Variants in SFMBT2 observed in about 807,000 individuals in gnomAD.
SFMBT2 encodes scm-like with four MBT domains protein 2.
Under a neutral mutation model 110.1 loss-of-function variants are expected in SFMBT2, and 38 were observed. That is an observed-to-expected ratio of 0.35 (90% confidence interval 0.27 to 0.45). The LOEUF is 0.45. SFMBT2 is among the 20% of genes least tolerant of loss of function. The probability of loss-of-function intolerance (pLI) is 1.00; values close to 1 mark genes in which losing one functional copy is unlikely to be tolerated. For missense variants in SFMBT2, 1,011 were observed against 1,094.9 expected (o/e 0.92, Z 1.08); for synonymous variants, 425 against 425.4 (o/e 1.00, Z 0.01).
chr10:7,188,615 AAC>A lies in SFMBT2; in HGVS notation c.1808+7_1808+8del. 6.2e-7 allele frequency: 1 copy of A among 1,608,396 alleles called. No individual in the cohort carries two copies. Among genetic ancestry groups the A allele is most frequent in the Non-Finnish European group, 8.5e-7 (1 of 1,176,278 alleles). On this transcript the variant is annotated splice_region_variant and intron_variant, in intron 16 of 20. Coordinates refer to ENST00000397167, the MANE Select transcript of SFMBT2 (RefSeq NM_001387889.1). ...AAAACCCTTGCTTTCCAGAATTGAA[AAC>A]ACTTACTTGGCCTTCAGCGTCTCTT...
intron 4 of SFMBT2, among the ~76,000 whole-genome samples, chr10:7,317,148 C>A (rs1843038906): frequency 6.6e-6 from 1 of 152,106 alleles, no homozygotes; most frequent in South Asian, 2.1e-4. Flanking sequence ...CCCCCAGGGT[C>A]ATGTCCTGAG....
chr10:7,303,481 C>T (rs1359780), intron 4 of SFMBT2, among the ~76,000 whole-genome samples: 102,021 of 151,810 alleles, frequency 0.67, 34,359 homozygotes, highest in East Asian at 0.75. Flanking sequence ...TGGGGTAATC[C>T]GAGACTAAAA....
rs528141180 is a variant in SFMBT2, at chr10:7,364,618, C to A, written c.436+3031G>T. 8.7e-4 allele frequency among the ~76,000 whole-genome samples: 133 copies of A among 152,348 alleles called. 1 individual carries two copies. The Middle Eastern group carries it at 0.014, about 16-fold the overall frequency. On this transcript the variant is annotated intron_variant, in intron 4 of 20. Coordinates refer to ENST00000397167, the MANE Select transcript of SFMBT2 (RefSeq NM_001387889.1). ...CTAGAGAAGCTATTACAAAATGAAA[C>A]CATCTTACATCCTTTCCAAGGGCCT...
Position 7,311,848 on chromosome 10 carries a change from C to T in SFMBT2, c.437-25894G>A, listed in dbSNP as rs140111907. On this transcript the variant is annotated intron_variant, in intron 4 of 20. Transcript: ENST00000397167. Reference sequence around the variant, plus strand: ...GTTAGTGGGCAGTTGAAGAAAGGCCCGGGCAACAATTCCTGAAAAGGTCAT... The same window carrying T: ...GTTAGTGGGCAGTTGAAGAAAGGCCTGGGCAACAATTCCTGAAAAGGTCAT... Among the ~76,000 whole-genome samples the T allele has an allele frequency of 1.6e-4, 25 of 152,226 alleles. No individual in the cohort carries two copies. The East Asian group carries it at 3.1e-3, about 19-fold the overall frequency.
At chr10:7,322,515 T>C (rs929175566) in intron 4 of SFMBT2, among the ~76,000 whole-genome samples, 1 of 152,138 alleles carries the variant, frequency 6.6e-6, no homozygotes, top group African/African-American at 2.4e-5. Context: ...CAGGCATCGA[T>C]TCCAGATGGA....
intron 11 of SFMBT2, among the ~76,000 whole-genome samples, chr10:7,217,062 T>C (rs536172145): frequency 2.0e-5 from 3 of 152,312 alleles, no homozygotes; most frequent in South Asian, 2.1e-4. Context: ...TGATAATAAA[T>C]CTTGTAAAAG....
intron 4 of SFMBT2, among the ~76,000 whole-genome samples, chr10:7,315,026 GA>G (rs1564435306): frequency 1.5e-5 from 2 of 133,976 alleles, no homozygotes; most frequent in Non-Finnish European, 3.2e-5. Flanking sequence ...AAAAGAGAGA[GA>G]AAGAAAGAAA....
At chr10:7,369,410 T>C (rs1180677493) in intron 3 of SFMBT2, among the ~76,000 whole-genome samples, 1 of 152,246 alleles carries the variant, frequency 6.6e-6, no homozygotes, top group African/African-American at 2.4e-5. Flanking sequence ...AGTTAGACTT[T>C]TCCCTGCTAA....
chr10:7,185,122 A>C (rs188977596), intron 16 of SFMBT2, among the ~76,000 whole-genome samples: 34 of 152,298 alleles, frequency 2.2e-4, no homozygotes, highest in Middle Eastern at 3.4e-3. Context: ...CAAGGAGACT[A>C]CTGCTCCTCC....
At chr10:7,350,133 C>A (rs1844264077) in intron 4 of SFMBT2, among the ~76,000 whole-genome samples, 1 of 152,128 alleles carries the variant, frequency 6.6e-6, no homozygotes, top group Non-Finnish European at 1.5e-5. Flanking sequence ...GCAAAGTCAA[C>A]CTTGATCCTT....
intron 11 of SFMBT2, among the ~76,000 whole-genome samples, chr10:7,211,455 G>A (rs1464526182): frequency 5.3e-5 from 8 of 152,062 alleles, no homozygotes; most frequent in Non-Finnish European, 7.4e-5. Flanking sequence ...GCGATTCCCC[G>A]GCCTCTGGTC....
At chr10:7,400,148 A>C (rs1474072277) in intron 1 of SFMBT2, among the ~76,000 whole-genome samples, 1 of 152,184 alleles carries the variant, frequency 6.6e-6, no homozygotes, top group African/African-American at 2.4e-5. Flanking sequence ...GCCAGTTGAC[A>C]CGTGGCCCTG....
In SFMBT2 at chr10:7,400,850, C is replaced by G. The variant is rs573195539; in HGVS notation, c.-52+10011G>C. ...CAAACATCTCAAAAAGCATCCCCCC[C>G]GGCCAGGCGCGGTGGTTCGCGCCTG... On this transcript the variant is annotated intron_variant, in intron 1 of 20. Coordinates refer to ENST00000397167, the MANE Select transcript of SFMBT2 (RefSeq NM_001387889.1). Among the ~76,000 whole-genome samples, 352 of 152,206 alleles carry G rather than the reference C, an allele frequency of 2.3e-3. 1 individual carries two copies. Among genetic ancestry groups the G allele is most frequent in the Non-Finnish European group, 3.8e-3 (256 of 67,984 alleles).
chr10:7,337,345 G>A (rs1050749814), intron 4 of SFMBT2, among the ~76,000 whole-genome samples: 3 of 152,302 alleles, frequency 2.0e-5, no homozygotes. Context: ...CCTTGATATG[G>A]TTTGGATCTG....
chr10:7,337,228 T>C (rs1379036023), intron 4 of SFMBT2, among the ~76,000 whole-genome samples: 2 of 152,194 alleles, frequency 1.3e-5, no homozygotes, highest in African/African-American at 4.8e-5. Flanking sequence ...GGATATCTGT[T>C]CAAAGCCGCT....
At position 7,290,435 on chromosome 10, in the gene SFMBT2, T is replaced by C. The variant is rs80209778; in HGVS notation, c.437-4481A>G. 6.6e-3 allele frequency among the ~76,000 whole-genome samples: 1,011 copies of C among 152,332 alleles called. 15 individuals carry two copies. Among genetic ancestry groups the C allele is most frequent in the African/African-American group, 0.023 (962 of 41,568 alleles). On this transcript the variant is annotated intron_variant, in intron 4 of 20. Coordinates refer to ENST00000397167, the MANE Select transcript of SFMBT2 (RefSeq NM_001387889.1). Reference sequence around the variant, plus strand: ...CACATCACAGTGAAGGAAGGAATCATGAACTTGGGTTTCAGAACTCAAGTT... The same window carrying C: ...CACATCACAGTGAAGGAAGGAATCACGAACTTGGGTTTCAGAACTCAAGTT...
intron 7 of SFMBT2, among the ~76,000 whole-genome samples, chr10:7,273,521 C>G (rs1243666241): frequency 6.6e-6 from 1 of 152,136 alleles, no homozygotes; most frequent in South Asian, 2.1e-4. Context: ...ATGTGCACAA[C>G]GTGCAGGTTT....
chr10:7,376,694 G>A (rs1213778767), intron 2 of SFMBT2, among the ~76,000 whole-genome samples: 12 of 27,170 alleles, frequency 4.4e-4, no homozygotes, highest in African/African-American at 6.8e-4. Flanking sequence ...GCAAGACTCT[G>A]TCTCAAAAAA....
chr10:7,395,148 G>A (rs556807637), intron 1 of SFMBT2, among the ~76,000 whole-genome samples: 11 of 152,214 alleles, frequency 7.2e-5, no homozygotes, highest in Admixed American at 5.2e-4. Flanking sequence ...ATGAAACCTC[G>A]TCTCTACTAA....
Sources: allele counts gnomAD v4.1 joint callset (sites outside exome capture counted in the v4.1 genomes callset), GRCh38; gene constraint gnomAD v4.1.1; transcripts MANE v1.5; gene names NCBI Gene and HGNC (gene_info 2026-07-23, HGNC 2026-07-21).